The following SLC3A1 variants were observed in gnomAD, a reference collection of about 807,000 sequenced individuals.
SLC3A1 encodes the protein amino acid transporter heavy chain SLC3A1.
A neutral mutation model predicts 60.3 loss-of-function variants in SLC3A1; 78 were observed. The observed-to-expected ratio is 1.29, with a 90% CI of 1.08 to 1.56. The LOEUF (loss-of-function observed/expected upper bound fraction) is 1.56, where lower values mean the gene tolerates loss of function less well. Among genes scored for constraint, SLC3A1 ranks in the 40% most tolerant of loss-of-function variants. SLC3A1 has a pLI of 0.00. For missense variants in SLC3A1, 1,172 were observed against 858.9 expected (o/e 1.36, Z -4.56); for synonymous variants, 392 against 307.9 (o/e 1.27, Z -2.86).
chr2:44,303,905 T>G, intron 6 of SLC3A1: 1 of 615,398 alleles, frequency 1.6e-6, no homozygotes, highest in Non-Finnish European at 2.9e-6. Context: ...GCAAAGGACA[T>G]GGACTCATCC....
At chr2:44,276,495 G>A (rs563388886) in intron 1 of SLC3A1, among the ~76,000 whole-genome samples, 1 of 152,250 alleles carries the variant, frequency 6.6e-6, no homozygotes, top group East Asian at 1.9e-4. Flanking sequence ...AAGTAGAAAA[G>A]GGGTAGCAGT....
chr2:44,316,459 GAATT>G (rs1403678268), intron 9 of SLC3A1: 1 of 144,604 alleles, frequency 6.9e-6, no homozygotes, highest in Admixed American at 6.7e-5. Context: ...AAAAGACAAA[GAATT>G]AAGAGCATAA....
rs17579904 is a variant in SLC3A1, at chr2:44,312,167, T to C, written c.1333-419T>C. Among the ~76,000 whole-genome samples the C allele has an allele frequency of 0.026, 3,887 of 152,298 alleles. 329 individuals carry two copies. The East Asian group carries it at 0.32, about 12-fold the overall frequency. ...TAAAAGTTGATTTACTTTAAAAATT[T>C]TGTCTGAATAATTCATAAGTCAAAA... On this transcript the variant is annotated intron_variant, in intron 7 of 9. Transcript: ENST00000260649.
At chr2:44,289,932 AATTT>A (rs936940154) in intron 4 of SLC3A1, among the ~76,000 whole-genome samples, 9 of 151,252 alleles carry the variant, frequency 6.0e-5, no homozygotes, top group African/African-American at 2.2e-4. Flanking sequence ...CGCCTGGCCC[AATTT>A]ATTTATTTTT....
At position 44,280,897 on chromosome 2, in the gene SLC3A1, T is replaced by C. The variant is rs1468353870; in HGVS notation, c.610+2T>C. 2 of 1,613,814 alleles carry C rather than the reference T, an allele frequency of 1.2e-6. No homozygotes were observed. The highest frequency in any genetic ancestry group is 2.2e-5 in the South Asian group (2 of 91,078). On this transcript the variant is annotated splice_donor_variant, in intron 2 of 9. Transcript: ENST00000260649. LOFTEE classifies it high-confidence loss of function. ...TGGTTGCAGCCATACATGATAAAGG[T>C]AAGTTGAATGGAAAGTGGGCAAGAT...
downstream of SLC3A1, chr2:44,321,940 G>A (rs370494604): frequency 2.5e-4 from 387 of 1,574,750 alleles, 1 homozygote; most frequent in Non-Finnish European, 3.1e-4. Context: ...AAGATTGTAT[G>A]GGATCTTCTT....
At chr2:44,312,982 C>T (rs1171852654) in intron 8 of SLC3A1, among the ~76,000 whole-genome samples, 2 of 151,406 alleles carry the variant, frequency 1.3e-5, no homozygotes, top group African/African-American at 2.4e-5. Context: ...TTGGGTAGGG[C>T]ATTTTAAAGA....
At chr2:44,276,948 T>C (rs1572786993) in intron 1 of SLC3A1, among the ~76,000 whole-genome samples, 1 of 152,254 alleles carries the variant, frequency 6.6e-6, no homozygotes, top group African/African-American at 2.4e-5. Context: ...TGATAATTGG[T>C]TTGAAGAAAA....
At chr2:44,282,982 A>T (rs1223719268) in intron 3 of SLC3A1, among the ~76,000 whole-genome samples, 1 of 152,150 alleles carries the variant, frequency 6.6e-6, no homozygotes, top group African/African-American at 2.4e-5. Context: ...TATACTCAAC[A>T]ATATGCGTGT....
intron 4 of SLC3A1, among the ~76,000 whole-genome samples, chr2:44,288,237 G>T (rs1370637157): frequency 6.6e-6 from 1 of 152,032 alleles, no homozygotes; most frequent in African/African-American, 2.4e-5. Context: ...TGTTGGCCAG[G>T]CTGGTCTCAA....
Position 44,275,544 on chromosome 2 carries a change from A to T in SLC3A1, c.9A>T (p.Glu3Asp). 1 of 1,614,064 alleles carries T rather than the reference A, an allele frequency of 6.2e-7. No individual in the cohort carries two copies. Among genetic ancestry groups the T allele is most frequent in the Non-Finnish European group, 8.5e-7 (1 of 1,179,968 alleles). The change falls in exon 1 of 10, where the codon GAA becomes GAT. Residue 3 changes from glutamate to aspartate, a missense_variant. Coordinates refer to ENST00000260649, the MANE Select transcript of SLC3A1 (RefSeq NM_000341.4). ...ACATAAGTCGGTGAGACATGGCTGA[A>T]GATAAAAGCAAGAGAGACTCCATCG... MAEDKSKRDSIEM... is the reference protein window; with the variant it reads MADDKSKRDSIEM...
At chr2:44,311,588 T>G (rs962792253) in intron 7 of SLC3A1, among the ~76,000 whole-genome samples, 1 of 152,122 alleles carries the variant, frequency 6.6e-6, no homozygotes, top group African/African-American at 2.4e-5. Context: ...TGTCAGAAGA[T>G]CTCATGACAG....
intron 1 of SLC3A1, among the ~76,000 whole-genome samples, chr2:44,278,213 G>C (rs1442347863): frequency 6.6e-6 from 1 of 152,080 alleles, no homozygotes; most frequent in Non-Finnish European, 1.5e-5. Context: ...GGGAGGCCGA[G>C]GCAGGTGGAT....
chr2:44,301,375 A>T (rs1214861850), intron 6 of SLC3A1: 3 of 606,652 alleles, frequency 4.9e-6, no homozygotes, highest in East Asian at 5.5e-5. Flanking sequence ...GAGTTTTGTG[A>T]AAATTAGGTT....
chr2:44,321,415 C>T lies in SLC3A1; in HGVS notation c.*776C>T, dbSNP rs1444565367. The T allele has an allele frequency of 6.2e-7, 1 of 1,612,960 alleles. No homozygotes were observed. Among genetic ancestry groups the T allele is most frequent in the Non-Finnish European group, 8.5e-7 (1 of 1,179,268 alleles). On this transcript the variant is annotated 3_prime_UTR_variant, in exon 10 of 10. Transcript: ENST00000260649. Reference sequence around the variant, plus strand: ...ACACTGGTGCTGTCAAGTCCAAGTTCCTCGTACAGGAATTTAATTTGGGCT... The same window carrying T: ...ACACTGGTGCTGTCAAGTCCAAGTTTCTCGTACAGGAATTTAATTTGGGCT...
At chr2:44,311,687 T>C (rs1301564355) in intron 7 of SLC3A1, among the ~76,000 whole-genome samples, 2 of 150,072 alleles carry the variant, frequency 1.3e-5, no homozygotes, top group Non-Finnish European at 3.0e-5. Flanking sequence ...TATAAAAACG[T>C]AATTATAAAG....
intron 4 of SLC3A1, among the ~76,000 whole-genome samples, chr2:44,290,667 C>G (rs1235077442): frequency 7.1e-6 from 1 of 140,864 alleles, no homozygotes; most frequent in African/African-American, 2.7e-5. Context: ...TTCCTATAGA[C>G]TACTTATTTT....
chr2:44,311,680 A>C (rs1324983071), intron 7 of SLC3A1, among the ~76,000 whole-genome samples: 1 of 152,004 alleles, frequency 6.6e-6, no homozygotes, highest in Non-Finnish European at 1.5e-5. Flanking sequence ...AATGGTCTAT[A>C]AAAACGTAAT....
Position 44,304,154 on chromosome 2 carries a change from C to G in SLC3A1, c.1148C>G (p.Thr383Ser). 6.2e-7 allele frequency: 1 copy of G among 1,614,010 alleles called. No individual in the cohort carries two copies. The highest frequency in any genetic ancestry group is 1.1e-5 in the South Asian group (1 of 91,076). ...GTCAACTCTTATAGGTTCATGGGGA[C>G]TGAAGCCTATGCAGAGAGTATTGAC... ...TEPGRYRFMG[T>S]EAYAESIDRT... Residue 383 changes from threonine to serine, a missense_variant, in exon 7 of 10, where the codon ACT becomes AGT. Physicochemically the swap from Thr to Ser is moderately conservative, Grantham distance 58 (BLOSUM62 1). Transcript: ENST00000260649.
Sources: gnomAD v4.1 joint callset for allele counts (sites outside exome capture counted in the v4.1 genomes callset) on GRCh38, gnomAD v4.1.1 for gene constraint, MANE v1.5 for transcripts, NCBI Gene and HGNC (gene_info 2026-07-23, HGNC 2026-07-21) for gene names.